The following MCTP1 variants were observed in gnomAD, a reference collection of about 807,000 sequenced individuals.
The protein encoded by MCTP1 is multiple C2 and transmembrane domain containing 1, also known as multiple C2 and transmembrane domain-containing protein 1.
Under a neutral mutation model 120.6 loss-of-function variants are expected in MCTP1, and 69 were observed. The observed-to-expected ratio is 0.57, with a 90% CI of 0.47 to 0.70. The LOEUF is 0.70. Ranked by LOEUF, MCTP1 falls within the 30% of genes least tolerant of loss-of-function variation. The pLI, the probability that MCTP1 is intolerant of heterozygous loss-of-function variation, is 0.00. For synonymous variants in MCTP1, 529 were observed against 493.1 expected, an observed-to-expected ratio of 1.07 and a Z score of -0.96; for missense variants, 1,203 against 1,248.8, an observed-to-expected ratio of 0.96 and a Z score of 0.55.
chr5:94,938,457 C>A (rs879439674), intron 5 of MCTP1, among the ~76,000 whole-genome samples: 1 of 152,032 alleles, frequency 6.6e-6, no homozygotes, highest in Non-Finnish European at 1.5e-5. Context: ...GCTTTAAACA[C>A]CTCCTCTCTT....
At chr5:94,890,816 T>C (rs1253709399) in intron 11 of MCTP1, among the ~76,000 whole-genome samples, 1 of 152,216 alleles carries the variant, frequency 6.6e-6, no homozygotes, top group Non-Finnish European at 1.5e-5. Flanking sequence ...AATGCTAATA[T>C]GCATTTGTTT....
At chr5:94,890,801 A>C (rs986309098) in intron 11 of MCTP1, among the ~76,000 whole-genome samples, 1 of 152,236 alleles carries the variant, frequency 6.6e-6, no homozygotes, top group African/African-American at 2.4e-5. Flanking sequence ...AAAATGAACC[A>C]ACAGAATGCT....
chr5:94,720,109 A>G (rs1427802316), intron 19 of MCTP1, among the ~76,000 whole-genome samples: 2 of 152,044 alleles, frequency 1.3e-5, no homozygotes, highest in South Asian at 4.1e-4. Context: ...CTGGGCAACA[A>G]GAGCGAAACT....
intron 22 of MCTP1, 106 bp from the exon 23 acceptor site, chr5:94,707,673 C>A: frequency 1.3e-6 from 1 of 783,992 alleles, no homozygotes; most frequent in South Asian, 1.5e-5. Flanking sequence ...AAAGTGCTCA[C>A]TCTAGAAGCT....
chr5:95,069,860 G>A (rs1050954875), intron 1 of MCTP1, among the ~76,000 whole-genome samples: 9 of 151,912 alleles, frequency 5.9e-5, no homozygotes, highest in Non-Finnish European at 8.8e-5. Context: ...TACCACGCCC[G>A]GCTATTTTTT....
At chr5:95,028,343 T>C (rs1291846830) in intron 1 of MCTP1, among the ~76,000 whole-genome samples, 1 of 152,212 alleles carries the variant, frequency 6.6e-6, no homozygotes, top group Admixed American at 6.5e-5. Flanking sequence ...AGCTTTACTA[T>C]ACTTTGTTTT....
chr5:94,959,414 C>T (rs537116883), intron 2 of MCTP1, among the ~76,000 whole-genome samples: 5 of 152,018 alleles, frequency 3.3e-5, no homozygotes, highest in South Asian at 4.2e-4. Flanking sequence ...TTGAAAGTTC[C>T]GGCCAGGGCA....
At chr5:94,910,189 C>CAT (rs1561843251) in intron 9 of MCTP1, among the ~76,000 whole-genome samples, 2 of 144,190 alleles carry the variant, frequency 1.4e-5, no homozygotes, top group Admixed American at 7.0e-5. Context: ...TGTATGTGTG[C>CAT]ATACATATAT....
intron 1 of MCTP1, among the ~76,000 whole-genome samples, chr5:95,240,861 CTAGT>C (rs1002285568): frequency 2.5e-4 from 38 of 152,154 alleles, no homozygotes; most frequent in African/African-American, 7.9e-4. Context: ...TAAATTCTGA[CTAGT>C]TAAATCCTCG....
At chr5:95,110,477 A>G (rs1757375139) in intron 1 of MCTP1, among the ~76,000 whole-genome samples, 1 of 152,186 alleles carries the variant, frequency 6.6e-6, no homozygotes, top group South Asian at 2.1e-4. Context: ...ATATGGAAGG[A>G]ACTTGGGTTC....
At chr5:95,038,136 G>T in intron 1 of MCTP1, 1 of 984,360 alleles carries the variant, frequency 1.0e-6, no homozygotes, top group South Asian at 4.7e-5. Flanking sequence ...GGATGGAGTA[G>T]GATCTCATAC....
chr5:94,953,250 A>G lies in MCTP1; in HGVS notation c.950T>C (p.Val317Ala), dbSNP rs749731602. The change falls in exon 3 of 23, where the codon GTT (valine) becomes GCT (alanine). Residue 317 changes from valine to alanine, a missense_variant. Around this residue, in one of 2 missense-constraint regions of MCTP1, gnomAD observed 740 missense variants for 871.1 expected, o/e 0.85. Transcript: ENST00000515393. ...ATACAATGGCTCCCTAAGATGATCA[A>G]CCAGAATACAAGCTTTTTCTTCCCA... is the stretch of plus-strand genomic sequence containing the variant. Reference protein sequence around the residue: ...PVWEEKACILVDHLREPLYIK... With the variant: ...PVWEEKACILADHLREPLYIK... 6 of 1,612,706 alleles carry G rather than the reference A, an allele frequency of 3.7e-6. No homozygotes were observed. The highest frequency in any genetic ancestry group is 2.2e-5 in the South Asian group (2 of 90,804).
At chr5:95,174,614 C>T (rs536719473) in intron 1 of MCTP1, among the ~76,000 whole-genome samples, 12 of 152,204 alleles carry the variant, frequency 7.9e-5, no homozygotes, top group African/African-American at 2.6e-4. Context: ...AGGTGTGTGA[C>T]CTTTGGCAAA....
intron 1 of MCTP1, among the ~76,000 whole-genome samples, chr5:95,082,544 T>TA: frequency 6.6e-6 from 1 of 152,316 alleles, no homozygotes; most frequent in East Asian, 1.9e-4. Flanking sequence ...ACAGGGCTGT[T>TA]AAATAGACAT....
intron 4 of MCTP1, among the ~76,000 whole-genome samples, chr5:94,941,051 A>G (rs1411581155): frequency 6.6e-6 from 1 of 152,018 alleles, no homozygotes; most frequent in African/African-American, 2.4e-5. Flanking sequence ...ATGTATAAAT[A>G]ATCTCTTTTA....
intron 1 of MCTP1, among the ~76,000 whole-genome samples, chr5:95,122,972 G>T (rs1012874343): frequency 6.6e-6 from 1 of 152,184 alleles, no homozygotes; most frequent in African/African-American, 2.4e-5. Context: ...GTTACCAGAG[G>T]CTGGGAAAGG....
chr5:94,788,341 T>A (rs1428092294), intron 18 of MCTP1, among the ~76,000 whole-genome samples: 1 of 152,202 alleles, frequency 6.6e-6, no homozygotes, highest in East Asian at 1.9e-4. Flanking sequence ...AGTTGTATGC[T>A]CTTGACAAAG....
At chr5:94,920,088 CCTCT>C (rs890386694) in intron 7 of MCTP1, among the ~76,000 whole-genome samples, 1 of 152,174 alleles carries the variant, frequency 6.6e-6, no homozygotes, top group Non-Finnish European at 1.5e-5. Context: ...TTTTAACTAT[CCTCT>C]CTAACTTTAA....
At chr5:94,898,424 C>T (rs889404987) in intron 10 of MCTP1, among the ~76,000 whole-genome samples, 3 of 152,118 alleles carry the variant, frequency 2.0e-5, no homozygotes, top group East Asian at 1.9e-4. Context: ...TTGTTGCTGG[C>T]GTTGGCTGAG....
Sources: allele counts gnomAD v4.1 joint callset (sites outside exome capture counted in the v4.1 genomes callset), GRCh38; gene constraint gnomAD v4.1.1; regional missense constraint gnomAD v4.1.1; transcripts MANE v1.5; gene names NCBI Gene and HGNC (gene_info 2026-07-23, HGNC 2026-07-21).